MDGA2: variants seen among roughly 807,000 people sequenced by gnomAD.
MDGA2 encodes MAM domain containing glycosylphosphatidylinositol anchor 2.
In MDGA2, 40 loss-of-function variants were observed where a neutral mutation model predicts 117.8. That is an observed-to-expected ratio of 0.34 (90% confidence interval 0.26 to 0.44). The LOEUF (loss-of-function observed/expected upper bound fraction) is 0.44. MDGA2 is among the 20% of genes least tolerant of loss of function. The pLI is 1.00. For missense variants in MDGA2, 1,123 were observed against 1,250.6 expected (o/e 0.90, Z 1.54); for synonymous variants, 452 against 439.0 (o/e 1.03, Z -0.37).
At chr14:47,528,547 G>T (rs1895021746) in intron 1 of MDGA2, among the ~76,000 whole-genome samples, 1 of 152,174 alleles carries the variant, frequency 6.6e-6, no homozygotes, top group South Asian at 2.1e-4. Context: ...TAGATTTCCA[G>T]TAGATTTGCA....
chr14:47,482,140 T>C (rs1169341848), intron 1 of MDGA2, among the ~76,000 whole-genome samples: 15 of 152,160 alleles, frequency 9.9e-5, no homozygotes, highest in African/African-American at 2.2e-4. Flanking sequence ...CTTAAAGACA[T>C]TGTAATTTCC....
intron 1 of MDGA2, among the ~76,000 whole-genome samples, chr14:47,551,936 T>A (rs1895590164): frequency 6.6e-6 from 1 of 152,136 alleles, no homozygotes; most frequent in Admixed American, 6.6e-5. Context: ...AGAAATAACA[T>A]CAACAATAGT....
chr14:47,249,053 C>A (rs1370049213), intron 2 of MDGA2, among the ~76,000 whole-genome samples: 1 of 146,496 alleles, frequency 6.8e-6, no homozygotes, highest in African/African-American at 2.6e-5. Context: ...GAGTCTCGCT[C>A]TGTCACCAGG....
At chr14:46,950,795 C>A (rs906949006) in intron 9 of MDGA2, among the ~76,000 whole-genome samples, 1 of 150,742 alleles carries the variant, frequency 6.6e-6, no homozygotes, top group Non-Finnish European at 1.5e-5. Flanking sequence ...AGCTGAATAG[C>A]AATAAATAAA....
At chr14:47,628,453 A>T (rs911138880) in intron 1 of MDGA2, among the ~76,000 whole-genome samples, 1 of 152,204 alleles carries the variant, frequency 6.6e-6, no homozygotes, top group African/African-American at 2.4e-5. Context: ...AATGAATTTA[A>T]AGTCTGTTTC....
chr14:47,172,482 G>A (rs897469191), intron 3 of MDGA2, among the ~76,000 whole-genome samples: 43 of 152,094 alleles, frequency 2.8e-4, no homozygotes, highest in Admixed American at 8.5e-4. Flanking sequence ...AGCAGCATTC[G>A]CGGTTCACGA....
At chr14:47,433,753 T>C (rs772158813) in intron 1 of MDGA2, among the ~76,000 whole-genome samples, 1 of 152,108 alleles carries the variant, frequency 6.6e-6, no homozygotes, top group African/African-American at 2.4e-5. Flanking sequence ...TGAAATCATC[T>C]CTTTGTAATT....
At chr14:47,606,856 T>C (rs986045167) in intron 1 of MDGA2, among the ~76,000 whole-genome samples, 3 of 152,198 alleles carry the variant, frequency 2.0e-5, no homozygotes, top group Non-Finnish European at 4.4e-5. Context: ...TTTTCCCTAC[T>C]GCTTAAACTT....
At chr14:47,318,418 C>T (rs1889874304) in intron 1 of MDGA2, among the ~76,000 whole-genome samples, 2 of 152,174 alleles carry the variant, frequency 1.3e-5, no homozygotes, top group South Asian at 2.1e-4. Context: ...TAATTGCTTA[C>T]CTAAAACTCA....
chr14:47,398,625 T>C (rs1331183916), intron 1 of MDGA2, among the ~76,000 whole-genome samples: 1 of 152,170 alleles, frequency 6.6e-6, no homozygotes, highest in Non-Finnish European at 1.5e-5. Flanking sequence ...GATTTTTCTA[T>C]GGACACACAA....
chr14:47,463,228 T>C (rs948159988), intron 1 of MDGA2, among the ~76,000 whole-genome samples: 1 of 152,152 alleles, frequency 6.6e-6, no homozygotes, highest in African/African-American at 2.4e-5. Flanking sequence ...CTTGTCCCAT[T>C]CCACTGAAAA....
chr14:46,865,083 A>C (rs1881693963), intron 14 of MDGA2, among the ~76,000 whole-genome samples: 1 of 152,120 alleles, frequency 6.6e-6, no homozygotes, highest in Non-Finnish European at 1.5e-5. Flanking sequence ...GTAAGCAAGA[A>C]TCTTGACATT....
chr14:47,130,225 G>T (rs1882133984), intron 5 of MDGA2, among the ~76,000 whole-genome samples: 1 of 152,002 alleles, frequency 6.6e-6, no homozygotes, highest in African/African-American at 2.4e-5. Flanking sequence ...TATGGTTTTA[G>T]GTCTAACATT....
At chr14:46,886,404 T>C (rs933093714) in intron 10 of MDGA2, among the ~76,000 whole-genome samples, 1 of 152,110 alleles carries the variant, frequency 6.6e-6, no homozygotes, top group Non-Finnish European at 1.5e-5. Flanking sequence ...GAAGTAGATA[T>C]GTTATAAAAT....
intron 3 of MDGA2, among the ~76,000 whole-genome samples, chr14:47,215,587 T>C (rs1001780733): frequency 3.9e-5 from 6 of 152,122 alleles, no homozygotes; most frequent in African/African-American, 1.4e-4. Flanking sequence ...GAAAATTTAC[T>C]ATCTGAAGGA....
chr14:47,603,673 C>T (rs1475389640), intron 1 of MDGA2, among the ~76,000 whole-genome samples: 2 of 152,086 alleles, frequency 1.3e-5, no homozygotes, highest in Non-Finnish European at 2.9e-5. Flanking sequence ...TTCCCTTCCT[C>T]GTTTCCTTCT....
At chr14:47,227,833 C>G (rs192433251) in intron 2 of MDGA2, among the ~76,000 whole-genome samples, 38 of 152,184 alleles carry the variant, frequency 2.5e-4, no homozygotes, top group African/African-American at 7.5e-4. Flanking sequence ...TGCCTTAAAG[C>G]CTCATCATTT....
At chr14:47,444,638 A>ATGCATG (rs914533127) in intron 1 of MDGA2, 65 of 152,272 alleles carry the variant, frequency 4.3e-4, no homozygotes, top group African/African-American at 1.3e-3. Context: ...TTCATAAAGC[A>ATGCATG]TGCATGTAAG....
intron 1 of MDGA2, among the ~76,000 whole-genome samples, chr14:47,496,211 T>C (rs1015984390): frequency 2.0e-5 from 3 of 152,088 alleles, no homozygotes; most frequent in African/African-American, 7.2e-5. Context: ...GAAGGAAAAA[T>C]AATATCTTTT....
Sources: gnomAD v4.1 joint callset for allele counts (sites outside exome capture counted in the v4.1 genomes callset) on GRCh38, gnomAD v4.1.1 for gene constraint, MANE v1.5 for transcripts, NCBI Gene and HGNC (gene_info 2026-07-23, HGNC 2026-07-21) for gene names.